Variants in STXBP6 observed in about 807,000 individuals in gnomAD.
STXBP6 encodes the protein syntaxin binding protein 6.
A neutral mutation model predicts 26.9 loss-of-function variants in STXBP6; 21 were observed. The observed-to-expected ratio is 0.78, with a 90% confidence interval of 0.55 to 1.12. STXBP6 has a LOEUF of 1.12. Ranked by LOEUF, STXBP6 falls within the 50% of genes most tolerant of loss-of-function variation. STXBP6 has a pLI of 0.00. For missense variants in STXBP6, 232 were observed against 257.9 expected, an observed-to-expected ratio of 0.90 and a Z score of 0.69; for synonymous variants, 97 against 92.6, an observed-to-expected ratio of 1.05 and a Z score of -0.27.
intron 2 of STXBP6, among the ~76,000 whole-genome samples, chr14:24,930,571 A>C (rs548157401): frequency 6.6e-6 from 1 of 152,316 alleles, no homozygotes; most frequent in South Asian, 2.1e-4. Context: ...ATGAACTGAT[A>C]ACACTGAAGC....
chr14:24,970,136 G>A (rs2073859292), intron 2 of STXBP6, among the ~76,000 whole-genome samples: 1 of 152,024 alleles, frequency 6.6e-6, no homozygotes, highest in Non-Finnish European at 1.5e-5. Flanking sequence ...AGTTACTCAG[G>A]AGGCTGGGGC....
chr14:24,902,704 T>C (rs971692786), intron 2 of STXBP6, among the ~76,000 whole-genome samples: 20 of 152,186 alleles, frequency 1.3e-4, no homozygotes, highest in Admixed American at 1.2e-3. Flanking sequence ...TTAGGCCTAT[T>C]TCCTAACAGA....
chr14:25,035,432 T>A (rs2075533625), intron 1 of STXBP6, among the ~76,000 whole-genome samples: 1 of 152,238 alleles, frequency 6.6e-6, no homozygotes, highest in South Asian at 2.1e-4. Context: ...TTTATACGTT[T>A]CTTTCTTTTG....
intron 2 of STXBP6, among the ~76,000 whole-genome samples, chr14:24,859,937 G>A (rs945176486): frequency 5.9e-5 from 9 of 152,170 alleles, no homozygotes; most frequent in Non-Finnish European, 1.2e-4. Context: ...AATTCAGGCC[G>A]CTTTGCTATT....
At chr14:24,849,224 T>C (rs1320261863) in intron 4 of STXBP6, among the ~76,000 whole-genome samples, 1 of 152,150 alleles carries the variant, frequency 6.6e-6, no homozygotes. Context: ...AGACAAGTCT[T>C]AAATGAAATA....
At chr14:24,831,949 A>G (rs1261771526) in intron 4 of STXBP6, among the ~76,000 whole-genome samples, 1 of 152,212 alleles carries the variant, frequency 6.6e-6, no homozygotes, top group Non-Finnish European at 1.5e-5. Context: ...GAGCTGGCCT[A>G]GAAGCCACGT....
chr14:24,956,419 T>G (rs2073347870), intron 2 of STXBP6, among the ~76,000 whole-genome samples: 2 of 152,188 alleles, frequency 1.3e-5, no homozygotes, highest in African/African-American at 4.8e-5. Context: ...CCAAAATGAA[T>G]GTCATTCGTT....
In STXBP6 at chr14:25,042,036, T is replaced by C. The variant is rs1276939609; in HGVS notation, c.-33+7842A>G. On this transcript the variant is annotated intron_variant, in intron 1 of 5. Transcript: ENST00000323944. ...GTTTGATTTATTGCACTTGTGGCTT[T>C]GTTTAATTCTTAAAAACTATTTGTA... Among the ~76,000 whole-genome samples, 4 of 152,228 alleles carry C rather than the reference T, an allele frequency of 2.6e-5. No homozygotes were observed. The South Asian group carries it at 6.2e-4, about 24-fold the overall frequency.
intron 4 of STXBP6, among the ~76,000 whole-genome samples, chr14:24,824,113 T>C (rs1018813326): frequency 2.0e-5 from 3 of 152,196 alleles, no homozygotes; most frequent in African/African-American, 7.2e-5. Context: ...ACCTAAGACA[T>C]GTTTTTTTCT....
At chr14:24,923,383 A>G (rs1347362762) in intron 2 of STXBP6, among the ~76,000 whole-genome samples, 1 of 152,036 alleles carries the variant, frequency 6.6e-6, no homozygotes, top group East Asian at 1.9e-4. Flanking sequence ...GTTTTTATTC[A>G]TTTTCCTATT....
At chr14:24,874,244 A>G (rs1010300197) in intron 2 of STXBP6, among the ~76,000 whole-genome samples, 1 of 152,144 alleles carries the variant, frequency 6.6e-6, no homozygotes, top group Non-Finnish European at 1.5e-5. Flanking sequence ...TGGGGAGGGC[A>G]TCCCTATTAA....
rs1019573856 is a variant in STXBP6, at chr14:24,812,078, C to G, written c.*631G>C. 7.1e-6 allele frequency: 1 copy of G among 140,148 alleles called. No homozygotes were observed. Among genetic ancestry groups the G allele is most frequent in the Admixed American group, 7.0e-5 (1 of 14,274 alleles). The allele number at this position is 140,148 out of a possible 1,614,324, so 8.7% of individuals were successfully genotyped here. On this transcript the variant is annotated 3_prime_UTR_variant, in exon 6 of 6. Transcript: ENST00000323944. ...AACTCAGGAAAGAGATTTCTATCTG[C>G]GATTCTGATTTTTTTTTTTTTTTGA...
At chr14:24,859,824 G>C (rs2069468048) in intron 2 of STXBP6, among the ~76,000 whole-genome samples, 1 of 152,160 alleles carries the variant, frequency 6.6e-6, no homozygotes, top group Non-Finnish European at 1.5e-5. Context: ...AAAGGAATAG[G>C]GTGGGTATGA....
intron 2 of STXBP6, among the ~76,000 whole-genome samples, chr14:24,894,514 G>A (rs532435123): frequency 2.0e-5 from 3 of 152,174 alleles, no homozygotes; most frequent in East Asian, 1.9e-4. Flanking sequence ...GGAAAGGTCA[G>A]TGTCCCCCAG....
At chr14:24,988,174 T>C (rs1345073338) in intron 1 of STXBP6, among the ~76,000 whole-genome samples, 2 of 152,242 alleles carry the variant, frequency 1.3e-5, no homozygotes, top group Non-Finnish European at 2.9e-5. Context: ...AGGACATTCA[T>C]CTGGCTTTGA....
intron 2 of STXBP6, among the ~76,000 whole-genome samples, chr14:24,938,805 C>T (rs1341739724): frequency 6.6e-6 from 1 of 152,154 alleles, no homozygotes; most frequent in African/African-American, 2.4e-5. Context: ...GAGTCCCTGC[C>T]CACTGGCTAG....
intron 2 of STXBP6, among the ~76,000 whole-genome samples, chr14:24,967,069 G>A (rs2073757221): frequency 1.3e-5 from 2 of 149,654 alleles, no homozygotes; most frequent in Non-Finnish European, 2.9e-5. Context: ...GGATAAGGGA[G>A]TAGGCTCTAG....
intron 4 of STXBP6, among the ~76,000 whole-genome samples, chr14:24,831,152 A>G (rs780116795): frequency 2.0e-5 from 3 of 152,188 alleles, no homozygotes; most frequent in Non-Finnish European, 2.9e-5. Flanking sequence ...TAGTTTAAGC[A>G]ATAGTTTCTT....
At chr14:25,014,376 A>T (rs1479305199) in intron 1 of STXBP6, among the ~76,000 whole-genome samples, 2 of 152,140 alleles carry the variant, frequency 1.3e-5, no homozygotes, top group Admixed American at 1.3e-4. Context: ...GAGGCAGGAG[A>T]GTCGCTTGAA....
Sources: allele counts gnomAD v4.1 joint callset (sites outside exome capture counted in the v4.1 genomes callset), GRCh38; gene constraint gnomAD v4.1.1; transcripts MANE v1.5; gene names NCBI Gene and HGNC (gene_info 2026-07-23, HGNC 2026-07-21).